The following ZBTB41 variants were observed in gnomAD, a reference collection of about 807,000 sequenced individuals.
ZBTB41 encodes the protein zinc finger and BTB domain containing 41.
Under a neutral mutation model 87.6 loss-of-function variants are expected in ZBTB41, and 42 were observed. The ratio of observed to expected loss-of-function variants is 0.48; its 90% CI spans 0.37 to 0.62. ZBTB41 has a LOEUF of 0.62. Among genes scored for constraint, ZBTB41 ranks in the 20% least tolerant of loss-of-function variants. ZBTB41 has a pLI of 0.00. For missense variants in ZBTB41, 799 were observed against 1,078.9 expected (o/e 0.74, Z 3.63); for synonymous variants, 364 against 364.0 (o/e 1.00, Z 0.00).
chr1:197,176,784 C>G (rs1659619999), intron 7 of ZBTB41, 114 bp from the exon 8 acceptor site: 4 of 734,784 alleles, frequency 5.4e-6, no homozygotes, highest in South Asian at 4.9e-5. Flanking sequence ...CTCAACCACT[C>G]ATACATTATT....
chr1:197,198,137 CTAACTT>C (rs1250873116), intron 2 of ZBTB41, among the ~76,000 whole-genome samples: 1 of 152,206 alleles, frequency 6.6e-6, no homozygotes, highest in African/African-American at 2.4e-5. Context: ...TTTATCCAGT[CTAACTT>C]TAACAACTTA....
chr1:197,171,728 G>A (rs1351061496), intron 10 of ZBTB41, among the ~76,000 whole-genome samples: 3 of 151,758 alleles, frequency 2.0e-5, no homozygotes, highest in Admixed American at 2.0e-4. Context: ...TGAAACGATG[G>A]TAACTTGGCA....
At chr1:197,170,712 T>C (rs1032360487) in intron 10 of ZBTB41, among the ~76,000 whole-genome samples, 1 of 151,978 alleles carries the variant, frequency 6.6e-6, no homozygotes, top group African/African-American at 2.4e-5. Context: ...GTAAATAGAG[T>C]TTTATTGGAA....
Position 197,156,254 on chromosome 1 carries a change from T to C in ZBTB41, c.*3105A>G, listed in dbSNP as rs945094136. The C allele has an allele frequency of 2.6e-5, 4 of 152,054 alleles. No individual in the cohort carries two copies. The highest frequency in any genetic ancestry group is 5.9e-5 in the Non-Finnish European group (4 of 67,662). The allele number at this position is 152,054 out of a possible 1,614,324, so 9.4% of individuals were successfully genotyped here. A position where few individuals can be genotyped will look rare whatever the true frequency, so the allele number is the denominator to read the frequency against. On this transcript the variant is annotated 3_prime_UTR_variant, in exon 11 of 11. Coordinates refer to ENST00000367405, the MANE Select transcript of ZBTB41 (RefSeq NM_194314.3). ...ATTCTAGGACTTCAACTGTGCTTCT[T>C]TGGACAAATAGTTATTCAAGCAAGA...
intron 9 of ZBTB41, among the ~76,000 whole-genome samples, chr1:197,173,011 T>C (rs1283691035): frequency 6.6e-6 from 1 of 152,132 alleles, no homozygotes; most frequent in African/African-American, 2.4e-5. Context: ...CACCACAGCA[T>C]AGTGCCTAAG....
At chr1:197,164,167 C>T (rs1057283883) in intron 10 of ZBTB41, among the ~76,000 whole-genome samples, 10 of 151,804 alleles carry the variant, frequency 6.6e-5, no homozygotes, top group African/African-American at 2.2e-4. Context: ...TGGAAAGTGA[C>T]GAATAATTTC....
chr1:197,191,456 CAAAAA>C (rs537220441), intron 3 of ZBTB41, among the ~76,000 whole-genome samples: 2 of 85,300 alleles, frequency 2.3e-5, no homozygotes, highest in Non-Finnish European at 4.8e-5. Context: ...AGCCCTACTT[CAAAAA>C]AAAAAAAAAA....
intron 6 of ZBTB41, among the ~76,000 whole-genome samples, chr1:197,180,000 C>T (rs1659705071): frequency 6.6e-6 from 1 of 152,024 alleles, no homozygotes; most frequent in South Asian, 2.1e-4. Flanking sequence ...CATTAGTGTA[C>T]ACTAATGTCC....
At chr1:197,180,146 CTTT>C (rs1366653543) in intron 6 of ZBTB41, among the ~76,000 whole-genome samples, 2 of 152,008 alleles carry the variant, frequency 1.3e-5, no homozygotes, top group African/African-American at 2.4e-5. Flanking sequence ...TTTTACAGTT[CTTT>C]TTCCATGCTT....
At chr1:197,195,040 C>A (rs1162573402) in intron 2 of ZBTB41, among the ~76,000 whole-genome samples, 6 of 152,190 alleles carry the variant, frequency 3.9e-5, no homozygotes, top group African/African-American at 1.4e-4. Flanking sequence ...CTCCTCAGCA[C>A]AAACAGTAAA....
chr1:197,158,359 A>C lies in ZBTB41; in HGVS notation c.*1000T>G, dbSNP rs746077927. On this transcript the variant is annotated 3_prime_UTR_variant, in exon 11 of 11. Coordinates refer to ENST00000367405, the MANE Select transcript of ZBTB41 (RefSeq NM_194314.3). ...TTAAGTTAAATTAGGCACAAATTTC[A>C]TAATCTGTTTGGCACCTTTTCTAAC... is the stretch of plus-strand genomic sequence containing the variant. 2 of 152,448 alleles carry C rather than the reference A, an allele frequency of 1.3e-5. No homozygotes were observed. Among genetic ancestry groups the C allele is most frequent in the South Asian group, 2.1e-4 (1 of 4,830 alleles). The allele number at this position is 152,448 out of a possible 1,614,324, so 9.4% of individuals were successfully genotyped here.
At chr1:197,190,713 C>T (rs376124891) in intron 4 of ZBTB41, 49 bp downstream of exon 4, 143 of 1,152,856 alleles carry the variant, frequency 1.2e-4, no homozygotes, top group Middle Eastern at 1.9e-4. Flanking sequence ...CCCCAAAAGA[C>T]GTTGCATTTA....
intron 6 of ZBTB41, among the ~76,000 whole-genome samples, chr1:197,179,138 A>T (rs1659681295): frequency 6.6e-6 from 1 of 152,158 alleles, no homozygotes. Context: ...AGTGCTGAGT[A>T]ATAATGAACA....
chr1:197,175,495 G>A (rs1177291214), intron 8 of ZBTB41, among the ~76,000 whole-genome samples: 3 of 128,916 alleles, frequency 2.3e-5, no homozygotes, highest in Non-Finnish European at 3.3e-5. Context: ...AAATTAAGAT[G>A]AGGGTGTCTT....
intron 3 of ZBTB41, among the ~76,000 whole-genome samples, chr1:197,191,325 T>C (rs1002559798): frequency 2.0e-5 from 3 of 151,612 alleles, no homozygotes; most frequent in African/African-American, 7.3e-5. Flanking sequence ...CTGGGCATGG[T>C]GCACGCCTGT....
intron 8 of ZBTB41, among the ~76,000 whole-genome samples, chr1:197,175,765 A>G (rs2125129716): frequency 6.6e-6 from 1 of 151,968 alleles, no homozygotes; most frequent in African/African-American, 2.4e-5. Context: ...TCTCCTCATA[A>G]AAATAAAAAG....
rs148054944 is a variant in ZBTB41, at chr1:197,196,327, A to G, written c.1120+3027T>C. Reference sequence around the variant, plus strand: ...TGGTAAGAGAGGACACTTAAGACACATGGATCTTCTGCTACATATTCTTTT... The same window carrying G: ...TGGTAAGAGAGGACACTTAAGACACGTGGATCTTCTGCTACATATTCTTTT... On this transcript the variant is annotated intron_variant, in intron 2 of 10. Coordinates refer to ENST00000367405, the MANE Select transcript of ZBTB41 (RefSeq NM_194314.3). 4.9e-3 allele frequency among the ~76,000 whole-genome samples: 752 copies of G among 152,298 alleles called. 6 individuals carry two copies. The highest frequency in any genetic ancestry group is 0.017 in the African/African-American group (709 of 41,566).
intron 6 of ZBTB41, among the ~76,000 whole-genome samples, chr1:197,180,316 A>G (rs181471715): frequency 6.6e-6 from 1 of 152,262 alleles, no homozygotes; most frequent in Admixed American, 6.5e-5. Flanking sequence ...AGGTTTGCAT[A>G]AGTACACTCT....
intron 6 of ZBTB41, among the ~76,000 whole-genome samples, chr1:197,179,250 A>G (rs1256937040): frequency 4.6e-5 from 7 of 152,154 alleles, no homozygotes; most frequent in Admixed American, 3.9e-4. Context: ...TGACATTTCA[A>G]TCAATGACAG....
Sources: gnomAD v4.1 joint callset for allele counts (sites outside exome capture counted in the v4.1 genomes callset) on GRCh38, gnomAD v4.1.1 for gene constraint, MANE v1.5 for transcripts, NCBI Gene and HGNC (gene_info 2026-07-23, HGNC 2026-07-21) for gene names.